Variants in CLCN2 observed in about 807,000 individuals in gnomAD.
The protein encoded by CLCN2 is chloride channel protein 2.
In CLCN2, 72 loss-of-function variants were observed where a neutral mutation model predicts 108.3. The observed-to-expected ratio is 0.66, with a 90% CI of 0.55 to 0.81. The LOEUF is 0.81. Ranked by LOEUF, CLCN2 falls within the 30% of genes least tolerant of loss-of-function variation. The probability of loss-of-function intolerance (pLI) is 0.00; values close to 1 mark genes in which losing one functional copy is unlikely to be tolerated. For synonymous variants in CLCN2, 471 were observed against 467.1 expected (o/e 1.01, Z -0.11); for missense variants, 1,048 against 1,205.2 (o/e 0.87, Z 1.93).
intron 15 of CLCN2, 48 bp downstream of exon 15, chr3:184,354,053 G>T: frequency 6.4e-7 from 1 of 1,567,154 alleles, no homozygotes; most frequent in Non-Finnish European, 8.8e-7. Flanking sequence ...GATCTAGGAT[G>T]CCCTCTGCCC....
At chr3:184,360,833 C>T (rs1242627954) in intron 1 of CLCN2, among the ~76,000 whole-genome samples, 1 of 152,224 alleles carries the variant, frequency 6.6e-6, no homozygotes, top group Non-Finnish European at 1.5e-5. Context: ...AATTCCCACA[C>T]CCATTCCTGC....
At chr3:184,359,537 C>CCTCGTGGAG (rs1463325094) in intron 1 of CLCN2, among the ~76,000 whole-genome samples, 1 of 152,220 alleles carries the variant, frequency 6.6e-6, no homozygotes, top group Admixed American at 6.5e-5. Context: ...ACAATAAGAG[C>CCTCGTGGAG]CTCGTGGAGC....
chr3:184,352,570 G>C lies in CLCN2; in HGVS notation c.2218-74C>G, dbSNP rs1459095079. The C allele has an allele frequency of 9.1e-6, 14 of 1,531,738 alleles. No homozygotes were observed. In the Admixed American group the frequency reaches 2.1e-4, roughly 23 times the overall value. 94.9% of individuals were successfully genotyped at this position (1,531,738 alleles called of 1,614,324 possible). A position where few individuals can be genotyped will look rare whatever the true frequency, so the allele number is the denominator to read the frequency against. ...AGGGAGAGGGGAGGTGAGGGGAAGT[G>C]GTGGAGCCCAGGGGAAAGGGCACGC... On this transcript the variant is annotated intron_variant, in intron 19 of 23. Transcript: ENST00000265593.
Position 184,358,052 on chromosome 3 carries a change from C to T in CLCN2, c.525G>A (p.Val175=). 2 of 1,614,124 alleles carry T rather than the reference C, an allele frequency of 1.2e-6. No homozygotes were observed. Residue 175 remains valine (V), a synonymous_variant, in exon 5 of 24, where the codon GTG becomes GTA. Transcript: ENST00000265593. ...PEMKTILRGV[V]LKEYLTLKTF... is the part of the protein sequence containing the mutation. ...TCTTGAGTGTGAGGTATTCTTTCAGCACCACTCCCCGCAAGATGGTCTTCA... is the reference window on the plus strand; with the variant it reads ...TCTTGAGTGTGAGGTATTCTTTCAGTACCACTCCCCGCAAGATGGTCTTCA...
intron 22 of CLCN2, 168 bp from the exon 23 acceptor site, chr3:184,347,189 A>G: frequency 1.5e-6 from 1 of 687,040 alleles, no homozygotes; most frequent in Non-Finnish European, 2.7e-6. Flanking sequence ...CGTAATAATA[A>G]TGAGAATGTT....
chr3:184,347,366 G>T, intron 22 of CLCN2: 1 of 390,792 alleles, frequency 2.6e-6, no homozygotes, highest in Non-Finnish European at 4.9e-6. Context: ...TCCGTGCTAG[G>T]TCTTACATTA....
rs863225256 is a variant in CLCN2, at chr3:184,353,321, T to A, written c.1957A>T (p.Arg653Ter). Reference sequence around the variant, plus strand: ...GATAGTGGAGAGGTCTGGGTGGCTCTGCGCTCCTGCATGTGCTGCCGCCGG... The same window carrying A: ...GATAGTGGAGAGGTCTGGGTGGCTCAGCGCTCCTGCATGTGCTGCCGCCGG... ...ARRRQHMQER[R>*]ATQTSPLSDQ... is the part of the protein sequence containing the mutation. The change falls in exon 17 of 24, where the codon AGA (arginine) becomes TGA (stop). Residue 653 changes from arginine (R) to a stop codon, truncating the protein, a stop_gained. Transcript: ENST00000265593. LOFTEE classifies it high-confidence loss of function. The A allele has an allele frequency of 8.1e-6, 13 of 1,613,406 alleles. No individual in the cohort carries two copies. Among genetic ancestry groups the A allele is most frequent in the Non-Finnish European group, 1.1e-5 (13 of 1,180,010 alleles).
Position 184,353,441 on chromosome 3 carries a change from A to C in CLCN2, c.1856-19T>G. ...ATGGACTCTGGACAGAACAGGTGGA[A>C]GGACTCAGGAGCTGAGAGGGAGCCC... is the stretch of plus-strand genomic sequence containing the variant. On this transcript the variant is annotated intron_variant, in intron 16 of 23. Coordinates refer to ENST00000265593, the MANE Select transcript of CLCN2 (RefSeq NM_004366.6). The C allele has an allele frequency of 1.3e-6, 2 of 1,591,302 alleles. No homozygotes were observed. Among genetic ancestry groups the C allele is most frequent in the Non-Finnish European group, 1.7e-6 (2 of 1,168,360 alleles).
chr3:184,358,411 C>G lies in CLCN2; in HGVS notation c.353-101G>C, dbSNP rs1711561371. The G allele has an allele frequency of 7.1e-6, 11 of 1,542,018 alleles. No homozygotes were observed. In the Admixed American group the frequency reaches 1.8e-4, roughly 26 times the overall value. ...ACAGGCTGTCCCAGGGAGTACCACACAGAGTCAGGGCATGGGTGAAGGAAA... is the reference window on the plus strand; with the variant it reads ...ACAGGCTGTCCCAGGGAGTACCACAGAGAGTCAGGGCATGGGTGAAGGAAA... On this transcript the variant is annotated intron_variant, in intron 3 of 23. Coordinates refer to ENST00000265593, the MANE Select transcript of CLCN2 (RefSeq NM_004366.6).
Position 184,361,404 on chromosome 3 carries a change from C to G in CLCN2, c.63+13G>C. ...CGGAGCGCACTCCTGGGGCTCAGCT[C>G]AGCTTCACTTACCAGGGTCTGCTCG... On this transcript the variant is annotated intron_variant, in intron 1 of 23. Transcript: ENST00000265593. The surrounding 1 kb of genome is among the most constrained non-coding windows in gnomAD (Gnocchi z 6.6). 1.2e-6 allele frequency: 2 copies of G among 1,613,592 alleles called. No homozygotes were observed. Among genetic ancestry groups the G allele is most frequent in the Non-Finnish European group, 1.7e-6 (2 of 1,179,834 alleles).
At chr3:184,354,516 C>A (rs961189636) in intron 14 of CLCN2, 32 bp downstream of exon 14, 1 of 1,563,964 alleles carries the variant, frequency 6.4e-7, no homozygotes, top group Middle Eastern at 1.7e-4. Flanking sequence ...GTGGGGGGGT[C>A]TCCCAAGGCC....
In CLCN2 at chr3:184,355,834, A is replaced by G. The variant is rs1432508981; in HGVS notation, c.1086-56T>C. 8 of 1,416,814 alleles carry G rather than the reference A, an allele frequency of 5.6e-6. No individual in the cohort carries two copies. The highest frequency in any genetic ancestry group is 2.3e-5 in the East Asian group (1 of 43,418). The allele number at this position is 1,416,814 out of a possible 1,614,324, so 87.8% of individuals were successfully genotyped here. On this transcript the variant is annotated intron_variant, in intron 10 of 23. Coordinates refer to ENST00000265593, the MANE Select transcript of CLCN2 (RefSeq NM_004366.6). This position sits in a 1 kb window ranked among gnomAD's most constrained non-coding sequence, Gnocchi z 6.3. The stretch of plus-strand genomic sequence containing the variant: ...GTGGCCAAGGGCTGGGTGGCCTCGC[A>G]TATCTCAGGGCTGAGGTCAGAGCAG...
At chr3:184,359,293 T>C (rs1212939234) in intron 1 of CLCN2, among the ~76,000 whole-genome samples, 162 bp from the exon 2 acceptor site, 1 of 152,154 alleles carries the variant, frequency 6.6e-6, no homozygotes, top group South Asian at 2.1e-4. Context: ...ACAATGCACA[T>C]TGCAGACTGT....
intron 21 of CLCN2, 85 bp from the exon 22 acceptor site, chr3:184,352,202 A>G: frequency 6.3e-7 from 1 of 1,599,846 alleles, no homozygotes; most frequent in South Asian, 1.1e-5. Context: ...CCTTTTTCCA[A>G]CCCCGTGGTC....
intron 14 of CLCN2, 81 bp from the exon 15 acceptor site, chr3:184,354,395 T>C (rs961057339): frequency 6.9e-7 from 1 of 1,441,152 alleles, no homozygotes. Flanking sequence ...CCTGAGTGGG[T>C]CCCTCAGGGC....
rs1728514531 is a variant in CLCN2, at chr3:184,355,900, G to A, written c.1086-122C>T. On this transcript the variant is annotated intron_variant, in intron 10 of 23. Transcript: ENST00000265593. The surrounding 1 kb of genome is among the most constrained non-coding windows in gnomAD (Gnocchi z 6.3). ...ATGAAAACACTCAGTCCTGACAGAAGGTCTCCTTTGCTGTTTATGATACGA... is the reference window on the plus strand; with the variant it reads ...ATGAAAACACTCAGTCCTGACAGAAAGTCTCCTTTGCTGTTTATGATACGA... 1.3e-6 allele frequency: 1 copy of A among 793,174 alleles called. No homozygotes were observed. The highest frequency in any genetic ancestry group is 1.5e-5 in the South Asian group (1 of 68,552). The allele number at this position is 793,174 out of a possible 1,614,324, so 49.1% of individuals were successfully genotyped here.
intron 15 of CLCN2, 125 bp from the exon 16 acceptor site, chr3:184,353,920 G>A: frequency 6.8e-7 from 1 of 1,469,396 alleles, no homozygotes; most frequent in South Asian, 1.2e-5. Context: ...AAGGACCAAG[G>A]GGTGCTCCCA....
At chr3:184,351,787 A>G (rs1275096639) in intron 22 of CLCN2, among the ~76,000 whole-genome samples, 1 of 152,158 alleles carries the variant, frequency 6.6e-6, no homozygotes, top group South Asian at 2.1e-4. Context: ...CTCGAGGGCA[A>G]GGCTGAGCAG....
intron 3 of CLCN2, 148 bp downstream of exon 3, chr3:184,358,534 G>A: frequency 8.4e-7 from 1 of 1,196,712 alleles, no homozygotes; most frequent in Non-Finnish European, 1.2e-6. Context: ...GAGTGGCCGA[G>A]ATGATGCCTG....
Sources: allele counts gnomAD v4.1 joint callset (sites outside exome capture counted in the v4.1 genomes callset), GRCh38; gene constraint gnomAD v4.1.1; non-coding constraint Gnocchi (gnomAD v3.1); transcripts MANE v1.5; gene names NCBI Gene and HGNC (gene_info 2026-07-23, HGNC 2026-07-21).